The following HELZ variants were observed in gnomAD, a reference collection of about 807,000 sequenced individuals.
The protein encoded by HELZ is ATP-dependent RNA helicase with zinc finger domain.
A neutral mutation model predicts 218.2 loss-of-function variants in HELZ; 23 were observed. The observed-to-expected ratio is 0.11, with a 90% CI of 0.08 to 0.15. HELZ has a LOEUF of 0.15. Among genes scored for constraint, HELZ ranks in the 10% least tolerant of loss-of-function variants. The pLI is 1.00. For synonymous variants in HELZ, 814 were observed against 829.4 expected (o/e 0.98, Z 0.32); for missense variants, 1,813 against 2,353.7 (o/e 0.77, Z 4.75).
chr17:67,168,421 T>G (rs1363742366), intron 13 of HELZ, among the ~76,000 whole-genome samples: 1 of 152,182 alleles, frequency 6.6e-6, no homozygotes, highest in Non-Finnish European at 1.5e-5. Context: ...TAACATGAAA[T>G]ATTATATACT....
intron 21 of HELZ, among the ~76,000 whole-genome samples, chr17:67,141,583 A>G (rs1207556250): frequency 6.6e-6 from 1 of 151,902 alleles, no homozygotes. Context: ...TAACCTTTCT[A>G]TTCCCTAGAA....
chr17:67,190,035 A>C (rs540347463), intron 10 of HELZ, 122 bp downstream of exon 10: 25 of 776,350 alleles, frequency 3.2e-5, no homozygotes, highest in Non-Finnish European at 4.9e-5. Context: ...ACATCATTCT[A>C]TCAGAATCAA....
At chr17:67,190,872 G>C (rs766003346) in intron 9 of HELZ, among the ~76,000 whole-genome samples, 5 of 152,108 alleles carry the variant, frequency 3.3e-5, no homozygotes, top group Admixed American at 6.5e-5. Flanking sequence ...ACCACGCCTG[G>C]CTAGTTTTTG....
chr17:67,212,026 A>G (rs994601847), intron 5 of HELZ, among the ~76,000 whole-genome samples: 13 of 152,148 alleles, frequency 8.5e-5, no homozygotes, highest in African/African-American at 3.1e-4. Context: ...TGAGAGTTGC[A>G]AGGAATGCAA....
intron 3 of HELZ, among the ~76,000 whole-genome samples, chr17:67,235,516 AAAG>A (rs1334047562): frequency 3.4e-4 from 52 of 151,780 alleles, no homozygotes; most frequent in African/African-American, 1.0e-3. Context: ...AAAAAAAAAA[AAAG>A]AGAGAGACAA....
intron 17 of HELZ, 58 bp downstream of exon 17, chr17:67,160,203 C>T (rs190955752): frequency 5.4e-5 from 56 of 1,045,528 alleles, no homozygotes; most frequent in South Asian, 4.5e-4. Context: ...TTACAGACAC[C>T]TTTTCTTAAG....
At chr17:67,114,477 G>A (rs959300182) in intron 27 of HELZ, 74 bp from the exon 28 acceptor site, 13 of 858,712 alleles carry the variant, frequency 1.5e-5, no homozygotes, top group Non-Finnish European at 2.1e-5. Context: ...TCCAATATTA[G>A]AGAAAGAGGC....
chr17:67,220,862 A>ACCC (rs2040727178), intron 3 of HELZ, among the ~76,000 whole-genome samples: 4 of 127,062 alleles, frequency 3.1e-5, no homozygotes, highest in African/African-American at 1.3e-4. Flanking sequence ...CCCCCCCCCA[A>ACCC]AAAAAAAGAG....
At chr17:67,222,635 G>A (rs115963630) in intron 3 of HELZ, among the ~76,000 whole-genome samples, 253 of 152,202 alleles carry the variant, frequency 1.7e-3, no homozygotes, top group African/African-American at 5.8e-3. Context: ...CGCATGCTCC[G>A]TTCAGCTGTT....
intron 28 of HELZ, among the ~76,000 whole-genome samples, chr17:67,111,315 G>A (rs1469089114): frequency 1.3e-5 from 2 of 152,122 alleles, no homozygotes; most frequent in African/African-American, 4.8e-5. Flanking sequence ...ATGACAATGT[G>A]AAAAATAAAA....
chr17:67,202,442 G>A (rs936999022), intron 6 of HELZ, among the ~76,000 whole-genome samples: 20 of 152,072 alleles, frequency 1.3e-4, no homozygotes, highest in African/African-American at 4.6e-4. Flanking sequence ...AGCGCACTAT[G>A]ATAACCCCCT....
chr17:67,155,017 T>C (rs190613805), intron 17 of HELZ, among the ~76,000 whole-genome samples: 1 of 152,186 alleles, frequency 6.6e-6, no homozygotes, highest in East Asian at 1.9e-4. Flanking sequence ...ATTCCACCCA[T>C]CCCCCAGATG....
chr17:67,176,142 A>G (rs2039450113), intron 13 of HELZ, among the ~76,000 whole-genome samples: 1 of 152,226 alleles, frequency 6.6e-6, no homozygotes, highest in African/African-American at 2.4e-5. Flanking sequence ...GAAAACTATT[A>G]CAACATAAAA....
At chr17:67,197,758 G>C (rs2040069389) in intron 7 of HELZ, among the ~76,000 whole-genome samples, 1 of 152,180 alleles carries the variant, frequency 6.6e-6, no homozygotes, top group Middle Eastern at 3.2e-3. Flanking sequence ...TTTATATGTG[G>C]TTGATTAAAT....
At chr17:67,078,738 A>G (rs1274824484) in intron 32 of HELZ, 152 bp from the exon 33 acceptor site, 1 of 456,428 alleles carries the variant, frequency 2.2e-6, no homozygotes, top group Non-Finnish European at 3.7e-6. Flanking sequence ...TAGAATGCTG[A>G]AATCACAACA....
At chr17:67,180,451 A>G (rs1048273937) in intron 12 of HELZ, among the ~76,000 whole-genome samples, 5 of 152,054 alleles carry the variant, frequency 3.3e-5, no homozygotes, top group African/African-American at 1.2e-4. Context: ...TTCTTCCTAA[A>G]TCACTTTGAC....
Position 67,109,663 on chromosome 17 carries a change from C to T in HELZ, c.3942G>A (p.Gln1314=). ...TAGGACGTGATTCAGGACTTCTGTT[C>T]TGTGGATTTGATTCCAAATCAACCT... ...PKQVDLESNP[Q]NRSPESRPSV... is the part of the protein sequence containing the mutation. Residue 1314 remains glutamine, a synonymous_variant, in exon 29 of 33, where the codon CAG becomes CAA. Transcript: ENST00000358691. The T allele has an allele frequency of 6.2e-7, 1 of 1,607,738 alleles. No individual in the cohort carries two copies. The highest frequency in any genetic ancestry group is 8.5e-7 in the Non-Finnish European group (1 of 1,175,682).
intron 24 of HELZ, among the ~76,000 whole-genome samples, chr17:67,128,207 C>T (rs986989292): frequency 1.3e-5 from 2 of 152,100 alleles, no homozygotes; most frequent in African/African-American, 2.4e-5. Context: ...TGTCAAATAC[C>T]ACCTCAAATA....
In HELZ at chr17:67,245,181, T is replaced by G; in HGVS notation, c.-165A>C. 1.0e-6 allele frequency: 1 copy of G among 985,156 alleles called. No individual in the cohort carries two copies. The highest frequency in any genetic ancestry group is 1.2e-6 in the Non-Finnish European group (1 of 829,872). The allele number at this position is 985,156 out of a possible 1,614,324, so 61.0% of individuals were successfully genotyped here. A position where few individuals can be genotyped will look rare whatever the true frequency, so the allele number is the denominator to read the frequency against. ...ACTTTCTACGCCATCTTGGATCCAC[T>G]TGTCAACGTCCCCACAAAGCATTAT... is the stretch of plus-strand genomic sequence containing the variant. On this transcript the variant is annotated 5_prime_UTR_variant, in exon 1 of 33. Coordinates refer to ENST00000358691, the MANE Select transcript of HELZ (RefSeq NM_014877.4).
Sources: allele counts gnomAD v4.1 joint callset (sites outside exome capture counted in the v4.1 genomes callset), GRCh38; gene constraint gnomAD v4.1.1; transcripts MANE v1.5; gene names NCBI Gene and HGNC (gene_info 2026-07-23, HGNC 2026-07-21).